The following MET variants were observed in gnomAD, a reference collection of about 807,000 sequenced individuals.
MET encodes the protein hepatocyte growth factor receptor.
A neutral mutation model predicts 133.1 loss-of-function variants in MET; 48 were observed. The observed-to-expected ratio is 0.36, with a 90% CI of 0.29 to 0.46. The LOEUF is 0.46. Ranked by LOEUF, MET falls within the 20% of genes least tolerant of loss-of-function variation. The pLI is 1.00. For missense variants in MET, 1,442 were observed against 1,695.9 expected (o/e 0.85, Z 2.63); for synonymous variants, 628 against 616.5 (o/e 1.02, Z -0.28).
intron 2 of MET, among the ~76,000 whole-genome samples, chr7:116,729,406 T>C (rs1228438123): frequency 1.3e-5 from 2 of 152,210 alleles, no homozygotes; most frequent in African/African-American, 2.4e-5. Context: ...AGTCAGTAGA[T>C]GTAAAAACTC....
chr7:116,759,187 C>T, intron 9 of MET: 3 of 695,606 alleles, frequency 4.3e-6, no homozygotes, highest in Middle Eastern at 4.0e-4. Flanking sequence ...AAATGCATTT[C>T]TTAAGCTTAT....
chr7:116,707,217 G>C (rs111900049), intron 2 of MET, among the ~76,000 whole-genome samples: 1 of 152,036 alleles, frequency 6.6e-6, no homozygotes, highest in South Asian at 2.1e-4. Context: ...TTAGACCAAA[G>C]CTTTGTTTTA....
Position 116,777,398 on chromosome 7 carries a change from G to A in MET, c.3269G>A (p.Gly1090Asp), listed in dbSNP as rs2117039759. 6.2e-7 allele frequency: 1 copy of A among 1,613,782 alleles called. No homozygotes were observed. Among genetic ancestry groups the A allele is most frequent in the Non-Finnish European group, 8.5e-7 (1 of 1,179,782 alleles). ...TCTTTCTTTTGCACAGGGCATTTTGGTTGTGTATATCATGGGACTTTGTTG... is the reference window on the plus strand; with the variant it reads ...TCTTTCTTTTGCACAGGGCATTTTGATTGTGTATATCATGGGACTTTGTTG... ...FNEVIGRGHF[G>D]CVYHGTLLDN... is the part of the protein sequence containing the mutation. Residue 1090 changes from glycine to aspartate, a missense_variant, in exon 16 of 21, where the codon GGT becomes GAT. Around this residue, in one of 6 missense-constraint regions of MET, gnomAD observed 514 missense variants for 659.6 expected, o/e 0.78. Transcript: ENST00000397752.
chr7:116,673,150 G>T (rs939336247), intron 1 of MET, among the ~76,000 whole-genome samples: 2 of 152,178 alleles, frequency 1.3e-5, no homozygotes, highest in African/African-American at 2.4e-5. Flanking sequence ...ATAACCAGAG[G>T]CTGAGCGATG....
intron 1 of MET, among the ~76,000 whole-genome samples, chr7:116,684,795 T>C (rs1364575009): frequency 6.6e-6 from 1 of 152,184 alleles, no homozygotes; most frequent in African/African-American, 2.4e-5. Context: ...TTGTAAGCTC[T>C]GCCAAGGGGT....
chr7:116,771,060 C>T (rs1450943645), intron 12 of MET, among the ~76,000 whole-genome samples: 1 of 152,140 alleles, frequency 6.6e-6, no homozygotes, highest in Admixed American at 6.6e-5. Context: ...CATAACAGTA[C>T]AATTATTTAC....
intron 19 of MET, among the ~76,000 whole-genome samples, chr7:116,790,874 C>T (rs148143237): frequency 4.0e-3 from 616 of 152,190 alleles, no homozygotes; most frequent in Non-Finnish European, 6.3e-3. Context: ...GTTAGGAGTT[C>T]GAGACCAGCC....
chr7:116,727,948 C>T (rs1318963676), intron 2 of MET, among the ~76,000 whole-genome samples: 1 of 152,128 alleles, frequency 6.6e-6, no homozygotes, highest in Non-Finnish European at 1.5e-5. Flanking sequence ...AGTTGAAGTC[C>T]TACTGTTAGG....
chr7:116,731,712 A>C lies in MET; in HGVS notation c.1245A>C (p.Glu415Asp). The C allele has an allele frequency of 1.2e-6, 2 of 1,614,156 alleles. No individual in the cohort carries two copies. The highest frequency in any genetic ancestry group is 1.7e-6 in the Non-Finnish European group (2 of 1,179,998). The stretch of plus-strand genomic sequence containing the variant: ...CAGGCTGTGAAGCGCGCCGTGATGA[A>C]TATCGAACAGAGTTTACCACAGCTT... ...NSSGCEARRD[E>D]YRTEFTTALQ... The change falls in exon 3 of 21, where the codon GAA becomes GAC. Residue 415 changes from glutamate (E) to aspartate (D), a missense_variant. Transcript: ENST00000397752.
chr7:116,757,950 T>C, intron 8 of MET, 176 bp downstream of exon 8: 1 of 687,430 alleles, frequency 1.5e-6, no homozygotes. Context: ...CTTTTGCTGA[T>C]TTTTCTTCCT....
At chr7:116,777,107 T>C (rs528940599) in intron 15 of MET, among the ~76,000 whole-genome samples, 2 of 152,328 alleles carry the variant, frequency 1.3e-5, no homozygotes, top group African/African-American at 4.8e-5. Flanking sequence ...GGTTGAATAT[T>C]TTATTAGGTT....
intron 14 of MET, among the ~76,000 whole-genome samples, chr7:116,772,937 T>G (rs1387051194): frequency 2.0e-5 from 3 of 152,204 alleles, no homozygotes; most frequent in African/African-American, 7.2e-5. Context: ...TGTGGAAAAA[T>G]CAAACCTAGT....
intron 2 of MET, among the ~76,000 whole-genome samples, chr7:116,717,521 A>G (rs970991062): frequency 1.3e-5 from 2 of 152,224 alleles, no homozygotes; most frequent in Non-Finnish European, 2.9e-5. Context: ...ATTTCAAAAT[A>G]TGTATTTCCC....
At chr7:116,784,942 A>C (rs1032263485) in intron 19 of MET, among the ~76,000 whole-genome samples, 1 of 152,252 alleles carries the variant, frequency 6.6e-6, no homozygotes, top group Non-Finnish European at 1.5e-5. Context: ...ACGGGGGTAC[A>C]GGCATTGGGT....
At chr7:116,702,881 G>C (rs1791632255) in intron 2 of MET, among the ~76,000 whole-genome samples, 1 of 152,112 alleles carries the variant, frequency 6.6e-6, no homozygotes, top group Non-Finnish European at 1.5e-5. Context: ...TCAGATAATG[G>C]GAGTGCCAGG....
rs2116921719 is a variant in MET at position 116,757,557 on chromosome 7, C to T, written c.1965+18C>T. On this transcript the variant is annotated intron_variant, in intron 7 of 20. Coordinates refer to ENST00000397752, the MANE Select transcript of MET (RefSeq NM_000245.4). ...CCTATGTGGTAAGGAAGATTCTATC[C>T]TATCATGTTTGATTTTTACTTAATC... 3 of 1,612,672 alleles carry T rather than the reference C, an allele frequency of 1.9e-6. No individual in the cohort carries two copies. The highest frequency in any genetic ancestry group is 2.5e-6 in the Non-Finnish European group (3 of 1,178,832).
chr7:116,717,123 A>G (rs1391387615), intron 2 of MET, among the ~76,000 whole-genome samples: 2 of 152,184 alleles, frequency 1.3e-5, no homozygotes, highest in Non-Finnish European at 2.9e-5. Flanking sequence ...TTCATAGCAC[A>G]AAACAACTTG....
chr7:116,696,101 T>C (rs574187374), intron 1 of MET, among the ~76,000 whole-genome samples: 30 of 152,230 alleles, frequency 2.0e-4, no homozygotes, highest in African/African-American at 7.0e-4. Flanking sequence ...ACTCCTGACC[T>C]CAAGTGATCT....
intron 2 of MET, among the ~76,000 whole-genome samples, chr7:116,725,471 T>C (rs1584907086): frequency 6.7e-6 from 1 of 149,032 alleles, no homozygotes. Flanking sequence ...TATACATATA[T>C]ATATATATAT....
Sources: gnomAD v4.1 joint callset for allele counts (sites outside exome capture counted in the v4.1 genomes callset) on GRCh38, gnomAD v4.1.1 for gene constraint, gnomAD v4.1.1 regional missense constraint, MANE v1.5 for transcripts, NCBI Gene and HGNC (gene_info 2026-07-23, HGNC 2026-07-21) for gene names.